TENM2: variants seen among roughly 807,000 people sequenced by gnomAD.
The protein encoded by TENM2 is teneurin transmembrane protein 2, also known as teneurin-2.
A neutral mutation model predicts 245.2 loss-of-function variants in TENM2; 52 were observed. The ratio of observed to expected loss-of-function variants is 0.21; its 90% CI spans 0.17 to 0.27. TENM2 has a LOEUF of 0.27. Ranked by LOEUF, TENM2 falls within the 10% of genes least tolerant of loss-of-function variation. TENM2 has a pLI of 1.00. For missense variants in TENM2, 3,046 were observed against 3,666.8 expected, an observed-to-expected ratio of 0.83 and a Z score of 4.37; for synonymous variants, 1,363 against 1,438.9, an observed-to-expected ratio of 0.95 and a Z score of 1.19.
chr5:167,723,733 C>T (rs1167936008), intron 2 of TENM2, among the ~76,000 whole-genome samples: 1 of 152,192 alleles, frequency 6.6e-6, no homozygotes, highest in African/African-American at 2.4e-5. Context: ...AGGCTCCCTC[C>T]CTCTCTTCCT....
chr5:167,806,460 T>C (rs1458667803), intron 2 of TENM2, among the ~76,000 whole-genome samples: 2 of 152,098 alleles, frequency 1.3e-5, no homozygotes, highest in African/African-American at 2.4e-5. Context: ...ACATGTTAGA[T>C]TTCAGGGACT....
At chr5:167,480,319 G>A (rs1767675940) in intron 2 of TENM2, among the ~76,000 whole-genome samples, 1 of 152,124 alleles carries the variant, frequency 6.6e-6, no homozygotes, top group Admixed American at 6.5e-5. Context: ...ACTGGTTAAT[G>A]CTCGTAATGT....
intron 3 of TENM2, among the ~76,000 whole-genome samples, chr5:167,928,993 GGAGA>G (rs1217821095): frequency 3.4e-5 from 4 of 116,686 alleles, no homozygotes; most frequent in Non-Finnish European, 7.2e-5. Flanking sequence ...AGGGAGGGAA[GGAGA>G]GAGAAAGAGA....
At chr5:167,581,868 T>C (rs562398304) in intron 2 of TENM2, among the ~76,000 whole-genome samples, 1 of 152,260 alleles carries the variant, frequency 6.6e-6, no homozygotes, top group Admixed American at 6.5e-5. Context: ...GATATTATTT[T>C]CATGTTGAAT....
intron 2 of TENM2, among the ~76,000 whole-genome samples, chr5:167,685,629 G>T (rs1757024816): frequency 6.6e-6 from 1 of 152,088 alleles, no homozygotes; most frequent in South Asian, 2.1e-4. Context: ...CCCAATGTGT[G>T]TAGAAGTGCA....
intron 3 of TENM2, among the ~76,000 whole-genome samples, chr5:167,926,472 C>T (rs1293889456): frequency 6.6e-6 from 1 of 152,126 alleles, no homozygotes; most frequent in African/African-American, 2.4e-5. Context: ...GTAATTCCAG[C>T]ACTTTGGGAG....
rs116171842 is a variant in TENM2 at position 167,760,020 on chromosome 5, G to C, written c.503-115966G>C. ...AGCATGGTCTTACTTGAGCTTACTAGAGCGGTGGCTGTACTTAAGCTCTAC... is the reference window on the plus strand; with the variant it reads ...AGCATGGTCTTACTTGAGCTTACTACAGCGGTGGCTGTACTTAAGCTCTAC... On this transcript the variant is annotated intron_variant, in intron 2 of 28. Coordinates refer to ENST00000518659, the Ensembl canonical transcript of TENM2. 6.4e-3 allele frequency among the ~76,000 whole-genome samples: 973 copies of C among 152,298 alleles called. 12 individuals carry two copies. The highest frequency in any genetic ancestry group is 0.022 in the African/African-American group (930 of 41,574).
intron 2 of TENM2, among the ~76,000 whole-genome samples, chr5:167,805,250 G>C (rs1265821511): frequency 2.0e-5 from 3 of 152,136 alleles, no homozygotes; most frequent in Non-Finnish European, 4.4e-5. Context: ...ATGTCTATCT[G>C]TTTTATTAGC....
At chr5:168,180,046 G>A (rs963445482) in intron 13 of TENM2, among the ~76,000 whole-genome samples, 8 of 152,186 alleles carry the variant, frequency 5.3e-5, no homozygotes, top group African/African-American at 1.9e-4. Flanking sequence ...TATGCTAGTA[G>A]TACCGACGTG....
At chr5:167,537,677 C>A (rs1771938395) in intron 2 of TENM2, among the ~76,000 whole-genome samples, 1 of 152,232 alleles carries the variant, frequency 6.6e-6, no homozygotes, top group South Asian at 2.1e-4. Flanking sequence ...TACTAACTCT[C>A]ATGACCTTTG....
chr5:167,308,535 G>A (rs1449390305), intron 1 of TENM2, among the ~76,000 whole-genome samples: 1 of 152,204 alleles, frequency 6.6e-6, no homozygotes, highest in Non-Finnish European at 1.5e-5. Context: ...CCTGTGAGAT[G>A]TGCTGTCTCA....
intron 4 of TENM2, among the ~76,000 whole-genome samples, chr5:167,979,203 AC>A (rs1186971104): frequency 3.9e-5 from 6 of 152,186 alleles, no homozygotes; most frequent in Admixed American, 3.3e-4. Flanking sequence ...CCTTTGTTAC[AC>A]AGGTAGGGGG....
At chr5:167,328,620 C>T (rs1009880450) in intron 1 of TENM2, among the ~76,000 whole-genome samples, 1 of 152,166 alleles carries the variant, frequency 6.6e-6, no homozygotes, top group Non-Finnish European at 1.5e-5. Flanking sequence ...TGGCCTTCTC[C>T]CAGCATTCAA....
At chr5:168,112,385 C>T (rs1794730811) in intron 9 of TENM2, among the ~76,000 whole-genome samples, 1 of 152,030 alleles carries the variant, frequency 6.6e-6, no homozygotes, top group South Asian at 2.1e-4. Context: ...CACCCTCTAC[C>T]CTCCAGAAGG....
upstream of TENM2, among the ~76,000 whole-genome samples, chr5:167,281,844 C>G (rs553599878): frequency 5.9e-5 from 9 of 151,872 alleles, no homozygotes; most frequent in African/African-American, 2.2e-4. Context: ...ACTAAAAATA[C>G]AAGAAATTAG....
intron 2 of TENM2, among the ~76,000 whole-genome samples, chr5:167,457,022 T>G (rs1765964253): frequency 6.6e-6 from 1 of 152,196 alleles, no homozygotes; most frequent in Non-Finnish European, 1.5e-5. Context: ...GATGGCTTCT[T>G]CTCACCGGCC....
intron 2 of TENM2, among the ~76,000 whole-genome samples, chr5:167,389,115 T>C (rs1761608841): frequency 6.6e-6 from 1 of 152,000 alleles, no homozygotes; most frequent in South Asian, 2.1e-4. Flanking sequence ...CCAATTTTTA[T>C]TGTTAAATCT....
At chr5:168,165,675 GAC>G (rs1758217414) in intron 13 of TENM2, among the ~76,000 whole-genome samples, 4 of 102,876 alleles carry the variant, frequency 3.9e-5, no homozygotes, top group African/African-American at 1.4e-4. Context: ...GGCTGGCAGA[GAC>G]AAAGCAGTCC....
intron 2 of TENM2, among the ~76,000 whole-genome samples, chr5:167,412,344 C>G (rs975943595): frequency 2.6e-5 from 4 of 152,046 alleles, no homozygotes; most frequent in Non-Finnish European, 4.4e-5. Flanking sequence ...TTCGGCCCCA[C>G]TCCAGACCAC....
Sources: allele counts gnomAD v4.1 joint callset (sites outside exome capture counted in the v4.1 genomes callset), GRCh38; gene constraint gnomAD v4.1.1; transcripts MANE v1.5; gene names NCBI Gene and HGNC (gene_info 2026-07-23, HGNC 2026-07-21).